The following SH2D4B variants were observed in gnomAD, a reference collection of about 807,000 sequenced individuals.
SH2D4B encodes SH2 domain containing 4B.
In SH2D4B, 45 loss-of-function variants were observed where a neutral mutation model predicts 61.5. The observed-to-expected ratio is 0.73, with a 90% CI of 0.58 to 0.94. SH2D4B has a LOEUF of 0.94. Among genes scored for constraint, SH2D4B ranks in the 40% least tolerant of loss-of-function variants. The probability of loss-of-function intolerance (pLI) is 0.00; values close to 1 mark genes in which losing one functional copy is unlikely to be tolerated. For missense variants in SH2D4B, 572 were observed against 574.2 expected, an observed-to-expected ratio of 1.00 and a Z score of 0.04; for synonymous variants, 224 against 220.4, an observed-to-expected ratio of 1.02 and a Z score of -0.14.
intron 5 of SH2D4B, 123 bp downstream of exon 5, chr10:80,603,918 C>T (rs1273316446): frequency 6.2e-6 from 5 of 805,228 alleles, no homozygotes; most frequent in Admixed American, 2.8e-5. Context: ...AGCATTTCCC[C>T]TCTGGACTTC....
At chr10:80,636,324 C>T (rs12266667) in intron 7 of SH2D4B, among the ~76,000 whole-genome samples, 4,814 of 152,120 alleles carry the variant, frequency 0.032, 82 homozygotes, top group African/African-American at 0.037. Context: ...GTAATGGGAT[C>T]GCTGGGTCAA....
intron 7 of SH2D4B, among the ~76,000 whole-genome samples, chr10:80,635,862 A>G (rs1335327389): frequency 1.3e-5 from 2 of 152,102 alleles, no homozygotes; most frequent in African/African-American, 2.4e-5. Flanking sequence ...GGTTTGTTAC[A>G]CAGGTATACA....
rs1226665469 is a variant in SH2D4B, at chr10:80,603,776, C to G, written c.841C>G (p.Pro281Ala). The G allele has an allele frequency of 6.2e-7, 1 of 1,610,474 alleles. No homozygotes were observed. The highest frequency in any genetic ancestry group is 1.7e-5 in the Admixed American group (1 of 59,918). The part of the protein sequence containing the change: ...HHLPDPGLPQ[P>A]LALPVSRTWE... ...CCTCCCCGACCCGGGTCTGCCGCAG[C>G]CCCTTGCCCTGCCGGTCAGGTGGGT... is the stretch of plus-strand genomic sequence containing the variant. The change falls in exon 5 of 8, where the codon CCC (proline) becomes GCC (alanine). Residue 281 changes from proline to alanine, a missense_variant. Coordinates refer to ENST00000646907, the MANE Select transcript of SH2D4B (RefSeq NM_001388272.1).
intron 6 of SH2D4B, among the ~76,000 whole-genome samples, chr10:80,616,602 G>GTA (rs1842663844): frequency 3.3e-5 from 5 of 151,366 alleles, no homozygotes; most frequent in South Asian, 2.1e-4. Flanking sequence ...GTATGGGGCT[G>GTA]TCTGTCTGGT....
intron 1 of SH2D4B, among the ~76,000 whole-genome samples, chr10:80,550,098 C>T (rs973367868): frequency 2.0e-5 from 3 of 152,030 alleles, no homozygotes; most frequent in African/African-American, 7.3e-5. Flanking sequence ...AAAGGGGTCC[C>T]TGGAAGCTAA....
At chr10:80,635,255 G>A (rs893653604) in intron 7 of SH2D4B, among the ~76,000 whole-genome samples, 4 of 152,154 alleles carry the variant, frequency 2.6e-5, no homozygotes, top group Non-Finnish European at 5.9e-5. Context: ...AAGAAGCAAC[G>A]TTTATGTTCG....
chr10:80,572,973 TATA>T lies in SH2D4B; in HGVS notation c.495+1396_495+1398del, dbSNP rs1564771951. On this transcript the variant is annotated intron_variant, in intron 3 of 7. Coordinates refer to ENST00000646907, the MANE Select transcript of SH2D4B (RefSeq NM_001388272.1). Reference sequence around the variant, plus strand: ...ATATATATATATATATATATATATATATATATATATATATTTTTTTTTTTTTTT... The same window carrying T: ...ATATATATATATATATATATATATATTATATATATATTTTTTTTTTTTTTT... 5.0e-3 allele frequency among the ~76,000 whole-genome samples: 59 copies of T among 11,798 alleles called. 4 individuals are homozygous for T. The highest frequency in any genetic ancestry group is 0.016 in the African/African-American group (57 of 3,582). The allele number at this position is 11,798 out of a possible 152,430, so 7.7% of individuals were successfully genotyped here.
chr10:80,618,350 C>G lies in SH2D4B; in HGVS notation c.988+8799C>G, dbSNP rs76786269. 4.1e-4 allele frequency among the ~76,000 whole-genome samples: 63 copies of G among 152,308 alleles called. No individual in the cohort carries two copies. The East Asian group carries it at 0.01, about 25-fold the overall frequency. ...GAACAGCAGCATTGGTGATTAGAAC[C>G]TGGCAGGTCAGCTTGGAGCAGACAT... On this transcript the variant is annotated intron_variant, in intron 6 of 7. Coordinates refer to ENST00000646907, the MANE Select transcript of SH2D4B (RefSeq NM_001388272.1).
In SH2D4B at chr10:80,538,056, G is replaced by A; in HGVS notation, c.-276G>A. 1 of 212,322 alleles carries A rather than the reference G, an allele frequency of 4.7e-6. No homozygotes were observed. Among genetic ancestry groups the A allele is most frequent in the Non-Finnish European group, 9.3e-6 (1 of 107,502 alleles). 13.2% of individuals were successfully genotyped at this position (212,322 alleles called of 1,614,324 possible). On this transcript the variant is annotated 5_prime_UTR_variant, in exon 1 of 8. Coordinates refer to ENST00000646907, the MANE Select transcript of SH2D4B (RefSeq NM_001388272.1). The surrounding 1 kb of genome is among the most constrained non-coding windows in gnomAD (Gnocchi z 4.8). ...GGATGCCGTGCTTGGTGACCCAGGA[G>A]AAGGACTAGATTGCTCCTGGTGGTT...
At chr10:80,609,639 A>G in intron 6 of SH2D4B, 88 bp downstream of exon 6, 1 of 1,585,258 alleles carries the variant, frequency 6.3e-7, no homozygotes, top group South Asian at 1.1e-5. Flanking sequence ...AAGGACAGTT[A>G]TAATCAGGGG....
At chr10:80,617,089 C>T (rs1235073482) in intron 6 of SH2D4B, among the ~76,000 whole-genome samples, 1 of 152,246 alleles carries the variant, frequency 6.6e-6, no homozygotes, top group Non-Finnish European at 1.5e-5. Context: ...GATCTGGGTT[C>T]AGAATCCATG....
chr10:80,600,390 G>A (rs186011098), intron 4 of SH2D4B, among the ~76,000 whole-genome samples: 1 of 152,196 alleles, frequency 6.6e-6, no homozygotes, highest in Non-Finnish European at 1.5e-5. Flanking sequence ...AGCTTTTTCT[G>A]TCTGGGCAGG....
At chr10:80,548,563 G>A (rs891020515) in intron 1 of SH2D4B, among the ~76,000 whole-genome samples, 2 of 152,048 alleles carry the variant, frequency 1.3e-5, no homozygotes, top group Non-Finnish European at 2.9e-5. Flanking sequence ...ATTCCACTGG[G>A]GTGGCTTTGG....
intron 1 of SH2D4B, among the ~76,000 whole-genome samples, chr10:80,545,334 C>T (rs966329693): frequency 1.1e-4 from 17 of 151,710 alleles, no homozygotes; most frequent in Non-Finnish European, 1.6e-4. Flanking sequence ...CTTTCTTCTC[C>T]TTCTCTCTCT....
intron 6 of SH2D4B, among the ~76,000 whole-genome samples, chr10:80,612,166 A>G (rs1589357348): frequency 7.5e-6 from 1 of 133,652 alleles, no homozygotes; most frequent in African/African-American, 2.9e-5. Flanking sequence ...GCAGCCCGGG[A>G]CCTCCCCCAC....
Position 80,570,224 on chromosome 10 carries a change from A to C in SH2D4B, c.255A>C (p.Glu85Asp). 1.2e-6 allele frequency: 2 copies of C among 1,614,160 alleles called. No individual in the cohort carries two copies. Among genetic ancestry groups the C allele is most frequent in the Non-Finnish European group, 1.7e-6 (2 of 1,180,024 alleles). ...AGGTCTGGGTCTGGATCATGGGAGAAGGCCCTGGTGACAAGCCCTACGAAG... is the reference window on the plus strand; with the variant it reads ...AGGTCTGGGTCTGGATCATGGGAGACGGCCCTGGTGACAAGCCCTACGAAG... ...DGEVWVWIMGEGPGDKPYEEI... is the reference protein window; with the variant it reads ...DGEVWVWIMGDGPGDKPYEEI... The change falls in exon 2 of 8, where the codon GAA (glutamate) becomes GAC (aspartate). Residue 85 changes from glutamate (E) to aspartate (D), a missense_variant. Glu to Asp is a conservative substitution (Grantham distance 45). Coordinates refer to ENST00000646907, the MANE Select transcript of SH2D4B (RefSeq NM_001388272.1).
intron 6 of SH2D4B, among the ~76,000 whole-genome samples, chr10:80,632,037 A>G (rs981994705): frequency 6.6e-6 from 1 of 152,184 alleles, no homozygotes. Context: ...TTCTGGGCAC[A>G]AATGATCCTC....
At chr10:80,632,070 T>C (rs966453803) in intron 6 of SH2D4B, among the ~76,000 whole-genome samples, 1 of 152,198 alleles carries the variant, frequency 6.6e-6, no homozygotes, top group Admixed American at 6.5e-5. Context: ...CCCAAGTGGG[T>C]GTAGCATCTT....
intron 1 of SH2D4B, among the ~76,000 whole-genome samples, chr10:80,566,570 A>G (rs959524088): frequency 2.0e-5 from 3 of 152,098 alleles, no homozygotes; most frequent in African/African-American, 7.2e-5. Context: ...CGCTGGGATT[A>G]CATGCGTGAG....
Sources: gnomAD v4.1 joint callset for allele counts (sites outside exome capture counted in the v4.1 genomes callset) on GRCh38, gnomAD v4.1.1 for gene constraint, Gnocchi (gnomAD v3.1) non-coding constraint, MANE v1.5 for transcripts, NCBI Gene and HGNC (gene_info 2026-07-23, HGNC 2026-07-21) for gene names.